The following TOP6BL variants were observed in gnomAD, a reference collection of about 807,000 sequenced individuals.
The protein encoded by TOP6BL is type 2 DNA topoisomerase 6 subunit B-like.
the TOP6BL span, among the ~76,000 whole-genome samples, chr11:66,837,798 T>A: frequency 6.6e-6 from 1 of 152,298 alleles, no homozygotes; most frequent in South Asian, 2.1e-4. Flanking sequence ...TCTGTATTCT[T>A]GAAAAGGAGC....
the TOP6BL span, chr11:66,813,960 C>T: frequency 6.2e-7 from 1 of 1,613,724 alleles, no homozygotes; most frequent in East Asian, 2.2e-5. Flanking sequence ...CTTTAGTTGA[C>T]TGGAAAAAAT....
At chr11:66,775,105 T>A in the TOP6BL span, among the ~76,000 whole-genome samples, 1 of 109,546 alleles carries the variant, frequency 9.1e-6, no homozygotes, top group Non-Finnish European at 1.8e-5. Context: ...AGAGTGAGAC[T>A]CTGTCTCAAA....
At chr11:66,827,217 A>G in the TOP6BL span, among the ~76,000 whole-genome samples, 1 of 146,912 alleles carries the variant, frequency 6.8e-6, no homozygotes, top group Non-Finnish European at 1.5e-5. Flanking sequence ...CGCCCAGCTA[A>G]TTTTGTATTT....
chr11:66,839,208 G>A, the TOP6BL span: 1 of 456,192 alleles, frequency 2.2e-6, no homozygotes, highest in Non-Finnish European at 4.4e-6. Context: ...GAGATGCCAG[G>A]TACTATTCTG....
At chr11:66,775,043 G>A in the TOP6BL span, among the ~76,000 whole-genome samples, 4 of 145,038 alleles carry the variant, frequency 2.8e-5, 1 homozygote, top group East Asian at 6.3e-4. Flanking sequence ...AACCCAGGAG[G>A]CAGAGGTTGC....
chr11:66,818,453 A>G, the TOP6BL span, among the ~76,000 whole-genome samples: 2 of 152,142 alleles, frequency 1.3e-5, no homozygotes, highest in African/African-American at 4.8e-5. Context: ...GAAGATACCT[A>G]AACTAATGTG....
At chr11:66,783,173 A>C in the TOP6BL span, among the ~76,000 whole-genome samples, 2 of 152,334 alleles carry the variant, frequency 1.3e-5, no homozygotes, top group South Asian at 4.1e-4. Flanking sequence ...ATCTACAAAA[A>C]ATTACAACAA....
the TOP6BL span, chr11:66,758,229 T>C: frequency 1.8e-5 from 12 of 662,324 alleles, no homozygotes; most frequent in Admixed American, 6.3e-5. Context: ...TAATTATTGC[T>C]CTAAAATTTC....
the TOP6BL span, chr11:66,843,068 A>C: frequency 2.5e-6 from 4 of 1,574,364 alleles, no homozygotes; most frequent in Admixed American, 1.9e-5. Flanking sequence ...AGCCGCCTGG[A>C]GGTAACTGGG....
At chr11:66,784,634 T>TA in the TOP6BL span, among the ~76,000 whole-genome samples, 1 of 152,264 alleles carries the variant, frequency 6.6e-6, no homozygotes, top group Non-Finnish European at 1.5e-5. Context: ...AATGGAATCA[T>TA]ACAATATGTA....
chr11:66,778,404 T>C, the TOP6BL span, among the ~76,000 whole-genome samples: 2 of 152,106 alleles, frequency 1.3e-5, no homozygotes, highest in Non-Finnish European at 2.9e-5. Flanking sequence ...AGGTCAAGGC[T>C]ACAGTGAGCT....
the TOP6BL span, chr11:66,745,025 A>G: frequency 7.0e-6 from 8 of 1,150,312 alleles, no homozygotes; most frequent in Non-Finnish European, 8.8e-6. Context: ...CCTAAGGTGA[A>G]GGAGGAAGGT....
At chr11:66,766,667 C>T in the TOP6BL span, among the ~76,000 whole-genome samples, 1 of 152,208 alleles carries the variant, frequency 6.6e-6, no homozygotes, top group African/African-American at 2.4e-5. Flanking sequence ...TATTCTGCAT[C>T]ATTATTCTAC....
At chr11:66,750,940 A>G in the TOP6BL span, among the ~76,000 whole-genome samples, 2 of 151,870 alleles carry the variant, frequency 1.3e-5, no homozygotes. Context: ...CCTGGGCTCA[A>G]GCAGTCCTCT....
At chr11:66,777,895 A>T in the TOP6BL span, among the ~76,000 whole-genome samples, 1 of 152,148 alleles carries the variant, frequency 6.6e-6, no homozygotes, top group South Asian at 2.1e-4. Context: ...GTGTCTTGTA[A>T]TGCTAACATT....
chr11:66,774,578 C>T, the TOP6BL span, among the ~76,000 whole-genome samples: 1 of 151,990 alleles, frequency 6.6e-6, no homozygotes, highest in Non-Finnish European at 1.5e-5. Context: ...CTCAGCCTCC[C>T]GAGTAACTGG....
At chr11:66,843,121 C>T in the TOP6BL span, 81 of 1,602,642 alleles carry the variant, frequency 5.1e-5, no homozygotes, top group South Asian at 8.8e-4. Context: ...GTGCAGGCCA[C>T]GGGCCGCTGC....
chr11:66,802,061 C>T, the TOP6BL span, among the ~76,000 whole-genome samples: 1 of 152,176 alleles, frequency 6.6e-6, no homozygotes, highest in African/African-American at 2.4e-5. Context: ...GCCATCATAG[C>T]TCACTGCAGC....
At chr11:66,777,300 A>G in the TOP6BL span, among the ~76,000 whole-genome samples, 3 of 151,796 alleles carry the variant, frequency 2.0e-5, no homozygotes, top group Non-Finnish European at 4.4e-5. Flanking sequence ...TATGAATAGC[A>G]GGATAGTTTA....
Sources: gnomAD v4.1 joint callset for allele counts (sites outside exome capture counted in the v4.1 genomes callset) on GRCh38, gnomAD v4.1.1 for gene constraint, MANE v1.5 for transcripts, NCBI Gene and HGNC (gene_info 2026-07-23, HGNC 2026-07-21) for gene names.